Variants in METTL24 observed in about 807,000 individuals in gnomAD.
METTL24 encodes methyltransferase like 24, also known as probable methyltransferase-like protein 24.
Under a neutral mutation model 32.7 loss-of-function variants are expected in METTL24, and 29 were observed. The observed-to-expected ratio is 0.89, with a 90% CI of 0.66 to 1.21. The LOEUF is 1.21. METTL24 is among the 50% of genes most tolerant of loss of function. The pLI is 0.00. For synonymous variants in METTL24, 163 were observed against 179.5 expected (o/e 0.91, Z 0.73); for missense variants, 439 against 468.1 (o/e 0.94, Z 0.57).
intron 4 of METTL24, among the ~76,000 whole-genome samples, chr6:110,281,469 C>T (rs1379907791): frequency 6.6e-6 from 1 of 151,722 alleles, no homozygotes; most frequent in Non-Finnish European, 1.5e-5. Context: ...GGTGAAACCC[C>T]GTCTCTACTA....
chr6:110,305,320 G>C (rs1273696186), intron 3 of METTL24, among the ~76,000 whole-genome samples: 1 of 152,016 alleles, frequency 6.6e-6, no homozygotes, highest in African/African-American at 2.4e-5. Context: ...AGCCAAAATT[G>C]ACAAATAGGA....
intron 4 of METTL24, among the ~76,000 whole-genome samples, chr6:110,286,150 G>A (rs1406590889): frequency 2.6e-5 from 4 of 152,154 alleles, no homozygotes; most frequent in African/African-American, 7.2e-5. Flanking sequence ...GGAACTCATC[G>A]ACTGGGTGGG....
At chr6:110,302,090 A>C (rs188366624) in intron 3 of METTL24, among the ~76,000 whole-genome samples, 27 of 152,214 alleles carry the variant, frequency 1.8e-4, no homozygotes, top group Middle Eastern at 3.4e-3. Context: ...CCTGGCTAAC[A>C]CAGTGAAACC....
In METTL24 at chr6:110,289,123, G is replaced by T. The variant is rs1033042644; in HGVS notation, c.786+9799C>A. ...CCTGAAGGTTACTGCAAAGTCACTA[G>T]GCAGAGAAGGGCAAGCCAAAAAGAA... On this transcript the variant is annotated intron_variant, in intron 4 of 4. Transcript: ENST00000338882. Among the ~76,000 whole-genome samples, 17 of 152,076 alleles carry T rather than the reference G, an allele frequency of 1.1e-4. 1 individual carries two copies. Among genetic ancestry groups the T allele is most frequent in the African/African-American group, 3.4e-4 (14 of 41,402 alleles).
intron 4 of METTL24, among the ~76,000 whole-genome samples, chr6:110,280,760 C>T (rs1410848575): frequency 1.1e-4 from 16 of 151,728 alleles, no homozygotes; most frequent in African/African-American, 4.8e-5. Context: ...TGGGTTCAAG[C>T]GATCCTCTTG....
At chr6:110,303,427 G>A (rs757865980) in intron 3 of METTL24, among the ~76,000 whole-genome samples, 19 of 152,150 alleles carry the variant, frequency 1.2e-4, no homozygotes, top group African/African-American at 3.1e-4. Flanking sequence ...TGAAATTCTC[G>A]CTGCTAGCAC....
At chr6:110,281,901 T>C (rs927724803) in intron 4 of METTL24, among the ~76,000 whole-genome samples, 1 of 152,094 alleles carries the variant, frequency 6.6e-6, no homozygotes, top group Non-Finnish European at 1.5e-5. Flanking sequence ...AGTATCAAAC[T>C]GTCACTAAGT....
intron 4 of METTL24, among the ~76,000 whole-genome samples, chr6:110,273,818 T>A (rs1770997734): frequency 6.6e-6 from 1 of 152,100 alleles, no homozygotes; most frequent in East Asian, 1.9e-4. Flanking sequence ...AATATGGAGA[T>A]TCCTTAAAAA....
intron 2 of METTL24, among the ~76,000 whole-genome samples, chr6:110,315,939 C>T (rs1389188490): frequency 1.3e-5 from 2 of 152,192 alleles, no homozygotes; most frequent in Admixed American, 6.5e-5. Context: ...AGATGTGAGG[C>T]ACAATGATAG....
intron 3 of METTL24, among the ~76,000 whole-genome samples, chr6:110,314,068 G>A (rs1298474302): frequency 6.6e-6 from 1 of 151,258 alleles, no homozygotes; most frequent in Non-Finnish European, 1.5e-5. Flanking sequence ...CTTTGGGTAG[G>A]TCTCCACATC....
chr6:110,341,399 T>G (rs970808605), intron 1 of METTL24, among the ~76,000 whole-genome samples: 1 of 152,246 alleles, frequency 6.6e-6, no homozygotes, highest in African/African-American at 2.4e-5. Flanking sequence ...CTGCTCCTGA[T>G]TGAGGTTCCT....
At chr6:110,355,893 T>C (rs1772688238) in intron 1 of METTL24, among the ~76,000 whole-genome samples, 1 of 152,132 alleles carries the variant, frequency 6.6e-6, no homozygotes, top group Admixed American at 6.5e-5. Flanking sequence ...CTAGCAGGGA[T>C]GAGTGTGAAC....
chr6:110,294,565 T>C (rs988228986), intron 4 of METTL24, among the ~76,000 whole-genome samples: 1 of 151,990 alleles, frequency 6.6e-6, no homozygotes, highest in African/African-American at 2.4e-5. Context: ...CCAATAAATA[T>C]AAATATAAAA....
intron 1 of METTL24, among the ~76,000 whole-genome samples, chr6:110,336,452 G>T (rs955462476): frequency 1.8e-4 from 27 of 152,204 alleles, no homozygotes; most frequent in African/African-American, 6.3e-4. Flanking sequence ...GATAAAAGAT[G>T]GTTATCAGCT....
At chr6:110,317,986 T>G (rs539558637) in intron 2 of METTL24, among the ~76,000 whole-genome samples, 1 of 152,240 alleles carries the variant, frequency 6.6e-6, no homozygotes, top group South Asian at 2.1e-4. Context: ...TCCAGCCTAG[T>G]CACATCTCTG....
rs571033766 is a variant in METTL24, at chr6:110,312,053, T to C, written c.557+3289A>G. The stretch of plus-strand genomic sequence containing the variant: ...GCTGTGCAGAAGCTTTTTGGTTTAA[T>C]ACAGTCCCATTTGTCTATTTTTCTT... On this transcript the variant is annotated intron_variant, in intron 3 of 4. Transcript: ENST00000338882. 3.3e-5 allele frequency among the ~76,000 whole-genome samples: 5 copies of C among 152,324 alleles called. No homozygotes were observed. In the East Asian group the frequency reaches 9.6e-4, roughly 29 times the overall value.
In METTL24 at chr6:110,254,864, T is replaced by A. The variant is rs541926177; in HGVS notation, c.787-8604A>T. Among the ~76,000 whole-genome samples, 176 of 152,344 alleles carry A rather than the reference T, an allele frequency of 1.2e-3. 1 individual carries two copies. Among genetic ancestry groups the A allele is most frequent in the East Asian group, 3.9e-4 (2 of 5,182 alleles). ...TAGGTTTTTATATATCAAGTTTACT[T>A]AAAGTGTACCTGCAAAACTAGAAGC... On this transcript the variant is annotated intron_variant, in intron 4 of 4. Coordinates refer to ENST00000338882, the MANE Select transcript of METTL24 (RefSeq NM_001123364.3).
chr6:110,331,703 C>A (rs1391527300), intron 1 of METTL24, among the ~76,000 whole-genome samples: 4 of 148,422 alleles, frequency 2.7e-5, no homozygotes, highest in Admixed American at 6.7e-5. Flanking sequence ...GACTGAAAGA[C>A]CCCCCAAATA....
In METTL24 at chr6:110,268,252, A is replaced by G. The variant is rs112883630; in HGVS notation, c.787-21992T>C. On this transcript the variant is annotated intron_variant, in intron 4 of 4. Coordinates refer to ENST00000338882, the MANE Select transcript of METTL24 (RefSeq NM_001123364.3). ...AAGACCAATAGCAAACAGTGTCCAT[A>G]CAAACCTGAGATTCAGAGACATTAA... Among the ~76,000 whole-genome samples, 659 of 152,302 alleles carry G rather than the reference A, an allele frequency of 4.3e-3. 9 individuals carry two copies. Among genetic ancestry groups the G allele is most frequent in the African/African-American group, 0.015 (643 of 41,576 alleles).
Sources: allele counts gnomAD v4.1 joint callset (sites outside exome capture counted in the v4.1 genomes callset), GRCh38; gene constraint gnomAD v4.1.1; transcripts MANE v1.5; gene names NCBI Gene and HGNC (gene_info 2026-07-23, HGNC 2026-07-21).